The following WDR37 variants were observed in gnomAD, a reference collection of about 807,000 sequenced individuals.
The protein encoded by WDR37 is WD repeat domain 37, also known as WD repeat-containing protein 37.
In WDR37, 19 loss-of-function variants were observed where a neutral mutation model predicts 62.9. That is an observed-to-expected ratio of 0.30 (90% CI 0.21 to 0.44). WDR37 has a LOEUF of 0.44. Ranked by LOEUF, WDR37 falls within the 20% of genes least tolerant of loss-of-function variation. WDR37 has a pLI of 1.00. For missense variants in WDR37, 474 were observed against 657.6 expected (o/e 0.72, Z 3.05); for synonymous variants, 250 against 260.9 (o/e 0.96, Z 0.40).
chr10:1,069,223 T>A (rs1833645257), intron 1 of WDR37, among the ~76,000 whole-genome samples: 1 of 151,900 alleles, frequency 6.6e-6, no homozygotes, highest in African/African-American at 2.4e-5. Context: ...AAGATTTTTT[T>A]TAAAGCTAAA....
rs75272792 is a variant in WDR37 at position 1,129,699 on chromosome 10, C to T, written c.*355C>T. The T allele has an allele frequency of 0.016, 2,878 of 185,286 alleles. 28 individuals carry two copies. Among genetic ancestry groups the T allele is most frequent in the Non-Finnish European group, 0.02 (1,771 of 87,862 alleles). The allele number at this position is 185,286 out of a possible 1,614,324, so 11.5% of individuals were successfully genotyped here. ...GAACTTCTGTATTACGTTGCGGCGT[C>T]GGCAGTCCTGCGTTCCCTGGAGTAA... On this transcript the variant is annotated 3_prime_UTR_variant, in exon 14 of 14. Transcript: ENST00000263150.
chr10:1,088,556 G>A (rs546254302), intron 7 of WDR37, among the ~76,000 whole-genome samples: 2 of 152,182 alleles, frequency 1.3e-5, no homozygotes, highest in East Asian at 3.9e-4. Flanking sequence ...CATTTATTGA[G>A]TAAGTTTGTG....
chr10:1,098,848 T>C (rs903832404), intron 9 of WDR37, among the ~76,000 whole-genome samples: 1 of 152,248 alleles, frequency 6.6e-6, no homozygotes, highest in African/African-American at 2.4e-5. Flanking sequence ...CCTAGAAAGA[T>C]GCTCCTTCAC....
In WDR37 at chr10:1,105,126, G is replaced by C; in HGVS notation, c.962G>C (p.Gly321Ala). 1 of 1,613,918 alleles carries C rather than the reference G, an allele frequency of 6.2e-7. No individual in the cohort carries two copies. Among genetic ancestry groups the C allele is most frequent in the African/African-American group, 1.3e-5 (1 of 74,980 alleles). The change falls in exon 11 of 14, where the codon GGG becomes GCG. Residue 321 changes from glycine (G) to alanine (A), a missense_variant and splice_region_variant. By Grantham distance (60) the Gly-to-Ala change is moderately conservative. Transcript: ENST00000263150. This position sits in a 1 kb window ranked among gnomAD's most constrained non-coding sequence, Gnocchi z 5.3. ...TTGTGTTTTGCCATCTTGGTTACAG[G>C]GCACGACCAGGAGTTGACGCACTGC... ...ETSELVHSLT[G>A]HDQELTHCCT...
rs144265955 is a variant in WDR37, at chr10:1,088,214, G to A, written c.604+1857G>A. 8.5e-5 allele frequency among the ~76,000 whole-genome samples: 13 copies of A among 152,282 alleles called. No individual in the cohort carries two copies. In the East Asian group the frequency reaches 1.7e-3, roughly 20 times the overall value. On this transcript the variant is annotated intron_variant, in intron 7 of 13. Transcript: ENST00000263150. Reference sequence around the variant, plus strand: ...CCACTCAAACTTCCTGTGTATCGGCGTTCTTGTCATTTGTGTGTTCACTGG... The same window carrying A: ...CCACTCAAACTTCCTGTGTATCGGCATTCTTGTCATTTGTGTGTTCACTGG...
At chr10:1,065,650 T>C (rs371821724) in intron 1 of WDR37, among the ~76,000 whole-genome samples, 3 of 151,100 alleles carry the variant, frequency 2.0e-5, no homozygotes, top group African/African-American at 7.3e-5. Flanking sequence ...TGAAAGAAAC[T>C]CAGAAAATGA....
At chr10:1,091,444 A>G (rs528404062) in intron 7 of WDR37, among the ~76,000 whole-genome samples, 17 of 152,292 alleles carry the variant, frequency 1.1e-4, no homozygotes, top group Admixed American at 1.1e-3. Context: ...TAATGAGGCT[A>G]TCTTCTAGCA....
chr10:1,085,122 G>C (rs924934287), intron 6 of WDR37, among the ~76,000 whole-genome samples: 1 of 150,816 alleles, frequency 6.6e-6, no homozygotes, highest in Non-Finnish European at 1.5e-5. Context: ...CCGCCACCAC[G>C]CCTGGCTAAT....
At chr10:1,093,356 T>C (rs1589101237) in intron 7 of WDR37, 96 bp from the exon 8 acceptor site, 3 of 960,480 alleles carry the variant, frequency 3.1e-6, no homozygotes, top group East Asian at 5.1e-5. Context: ...CATAGTTCTT[T>C]TAATGTTGAC....
At chr10:1,057,661 C>G (rs1423567423) in intron 1 of WDR37, among the ~76,000 whole-genome samples, 1 of 152,174 alleles carries the variant, frequency 6.6e-6, no homozygotes, top group Non-Finnish European at 1.5e-5. Flanking sequence ...TAATAATGTA[C>G]TCATTTACTA....
chr10:1,075,981 T>C (rs1345252252), intron 2 of WDR37, among the ~76,000 whole-genome samples: 1 of 152,104 alleles, frequency 6.6e-6, no homozygotes, highest in Non-Finnish European at 1.5e-5. Context: ...AGTTTAACCA[T>C]GTTGGCCAGG....
At chr10:1,108,921 G>A (rs1835117069) in intron 11 of WDR37, among the ~76,000 whole-genome samples, 1 of 152,208 alleles carries the variant, frequency 6.6e-6, no homozygotes, top group South Asian at 2.1e-4. Flanking sequence ...CTAGAGAGCA[G>A]GGCAGCTTCC....
chr10:1,116,966 C>G (rs532457156), intron 11 of WDR37, among the ~76,000 whole-genome samples: 1 of 152,000 alleles, frequency 6.6e-6, no homozygotes, highest in African/African-American at 2.4e-5. Context: ...GCAGAGCTGC[C>G]GTTCCATCCT....
At position 1,072,124 on chromosome 10, in the gene WDR37, A is replaced by G; in HGVS notation, c.-32A>G. On this transcript the variant is annotated 5_prime_UTR_variant, in exon 2 of 14. Coordinates refer to ENST00000263150, the MANE Select transcript of WDR37 (RefSeq NM_014023.4). ...TTTCTTGCTGTTTTTAGCTTATTGC[A>G]GGAGTGACCAGGACACTACCTCCTA... 1 of 1,611,338 alleles carries G rather than the reference A, an allele frequency of 6.2e-7. No homozygotes were observed. Among genetic ancestry groups the G allele is most frequent in the Non-Finnish European group, 8.5e-7 (1 of 1,178,882 alleles).
chr10:1,090,845 G>T (rs906148310), intron 7 of WDR37, among the ~76,000 whole-genome samples: 1 of 152,182 alleles, frequency 6.6e-6, no homozygotes, highest in Admixed American at 6.5e-5. Context: ...CCCCGTTTCT[G>T]CTCCCCTCGT....
At chr10:1,059,831 G>C (rs1392209749) in intron 1 of WDR37, among the ~76,000 whole-genome samples, 1 of 152,126 alleles carries the variant, frequency 6.6e-6, no homozygotes. Context: ...TTTTGAGAAA[G>C]AGCAGAAAGC....
At chr10:1,074,542 C>T in intron 2 of WDR37, 7 of 1,303,560 alleles carry the variant, frequency 5.4e-6, no homozygotes, top group Non-Finnish European at 7.1e-6. Flanking sequence ...CTGCCTTCCC[C>T]CTGCCCTGGG....
At position 1,121,917 on chromosome 10, in the gene WDR37, C is replaced by CCAA. The variant is rs1785544051; in HGVS notation, c.1104-2301_1104-2300insCAA. ...AGAGCGTGTTGCCAGGTGTTGTTGA[C>CCAA]GCACCTTGATTCTCAGTAGCTTTGC... On this transcript the variant is annotated intron_variant, in intron 11 of 13. Transcript: ENST00000263150. This position sits in a 1 kb window ranked among gnomAD's most constrained non-coding sequence, Gnocchi z 4.5. Among the ~76,000 whole-genome samples the CCAA allele has an allele frequency of 6.6e-6, 1 of 152,048 alleles. No individual in the cohort carries two copies. The highest frequency in any genetic ancestry group is 6.5e-5 in the Admixed American group (1 of 15,280).
At chr10:1,097,132 T>C (rs1193311181) in intron 9 of WDR37, among the ~76,000 whole-genome samples, 13 of 152,192 alleles carry the variant, frequency 8.5e-5, no homozygotes, top group African/African-American at 2.9e-4. Context: ...AGGACGGAGA[T>C]ACTCCGAAAG....
Sources: gnomAD v4.1 joint callset for allele counts (sites outside exome capture counted in the v4.1 genomes callset) on GRCh38, gnomAD v4.1.1 for gene constraint, Gnocchi (gnomAD v3.1) non-coding constraint, MANE v1.5 for transcripts, NCBI Gene and HGNC (gene_info 2026-07-23, HGNC 2026-07-21) for gene names.